CNTNAP2: variants seen among roughly 807,000 people sequenced by gnomAD.
CNTNAP2 encodes contactin associated protein 2.
In CNTNAP2, 98 loss-of-function variants were observed where a neutral mutation model predicts 155.2. The observed-to-expected ratio is 0.63, with a 90% confidence interval of 0.54 to 0.75. The LOEUF is 0.75. Among genes scored for constraint, CNTNAP2 ranks in the 30% least tolerant of loss-of-function variants. CNTNAP2 has a pLI of 0.00. For synonymous variants in CNTNAP2, 651 were observed against 631.2 expected, an observed-to-expected ratio of 1.03 and a Z score of -0.47; for missense variants, 1,727 against 1,688.1, an observed-to-expected ratio of 1.02 and a Z score of -0.40.
chr7:146,535,103 T>G (rs13224866), intron 1 of CNTNAP2, among the ~76,000 whole-genome samples: 8 of 3,334 alleles, frequency 2.4e-3, no homozygotes, highest in African/African-American at 5.7e-3. Flanking sequence ...ATATATATAT[T>G]ATATATATAT....
chr7:147,190,627 G>A (rs1358850706), intron 8 of CNTNAP2, among the ~76,000 whole-genome samples: 1 of 152,126 alleles, frequency 6.6e-6, no homozygotes, highest in East Asian at 1.9e-4. Context: ...ATATACCGAT[G>A]TGCATTCCAG....
At chr7:147,735,935 T>G (rs1485738760) in intron 13 of CNTNAP2, among the ~76,000 whole-genome samples, 8 of 150,518 alleles carry the variant, frequency 5.3e-5, no homozygotes. Flanking sequence ...TGAGATGGGT[T>G]TCCTGAATAC....
chr7:147,086,872 T>C (rs1452435260), intron 4 of CNTNAP2, among the ~76,000 whole-genome samples: 2 of 152,200 alleles, frequency 1.3e-5, no homozygotes, highest in Non-Finnish European at 2.9e-5. Context: ...CAAAACAAGA[T>C]GAAACTTCAG....
intron 13 of CNTNAP2, among the ~76,000 whole-genome samples, chr7:147,711,532 T>C (rs577737944): frequency 1.1e-4 from 17 of 152,186 alleles, no homozygotes; most frequent in Non-Finnish European, 2.1e-4. Context: ...GATTTCCAAG[T>C]GTTCATTATT....
intron 1 of CNTNAP2, among the ~76,000 whole-genome samples, chr7:146,656,779 T>C (rs1800002242): frequency 6.6e-6 from 1 of 152,226 alleles, no homozygotes; most frequent in African/African-American, 2.4e-5. Context: ...AGGCAAATTA[T>C]AAACACCTTA....
At chr7:146,502,213 GTATATATATGAATATATATATATA>G (rs1292524533) in intron 1 of CNTNAP2, among the ~76,000 whole-genome samples, 3 of 99,408 alleles carry the variant, frequency 3.0e-5, no homozygotes, top group Admixed American at 1.2e-4. Context: ...CATTGTGTGT[GTATATATATGAATATATATATATA>G]TATATATATA....
rs1179574989 is a variant in CNTNAP2, at chr7:147,317,776, A to ATGTG, written c.1498+17506_1498+17509dup. 5.5e-3 allele frequency among the ~76,000 whole-genome samples: 742 copies of ATGTG among 134,290 alleles called. 3 individuals are homozygous for ATGTG. Among genetic ancestry groups the ATGTG allele is most frequent in the East Asian group, 0.021 (103 of 4,948 alleles). 88.1% of individuals were successfully genotyped at this position (134,290 alleles called of 152,430 possible). A position where few individuals can be genotyped will look rare whatever the true frequency, so the allele number is the denominator to read the frequency against. On this transcript the variant is annotated intron_variant, in intron 9 of 23. Coordinates refer to ENST00000361727, the MANE Select transcript of CNTNAP2 (RefSeq NM_014141.6). ...TCAAAAAAAGGATATATATATATAT[A>ATGTG]TGTGTGTGTGTGTGTGTGTGTGTAT...
intron 13 of CNTNAP2, among the ~76,000 whole-genome samples, chr7:147,773,374 C>T (rs572005144): frequency 6.6e-6 from 1 of 152,180 alleles, no homozygotes; most frequent in East Asian, 1.9e-4. Context: ...TGGTGACTTA[C>T]ACCTATAGCC....
At chr7:146,709,281 T>C (rs1013956500) in intron 1 of CNTNAP2, among the ~76,000 whole-genome samples, 1 of 152,178 alleles carries the variant, frequency 6.6e-6, no homozygotes, top group Non-Finnish European at 1.5e-5. Flanking sequence ...GTCGTGTTTA[T>C]GAACTTTTCT....
At chr7:147,733,578 G>A (rs928437589) in intron 13 of CNTNAP2, among the ~76,000 whole-genome samples, 2 of 152,248 alleles carry the variant, frequency 1.3e-5, no homozygotes, top group African/African-American at 4.8e-5. Flanking sequence ...TGCTTGATGG[G>A]GATGGCATTG....
At chr7:146,646,994 C>T (rs892341189) in intron 1 of CNTNAP2, among the ~76,000 whole-genome samples, 11 of 152,172 alleles carry the variant, frequency 7.2e-5, no homozygotes, top group African/African-American at 2.4e-4. Context: ...ACCAAAAAGG[C>T]TCTGAGGCAG....
chr7:146,829,130 C>G (rs1353915201), intron 2 of CNTNAP2, among the ~76,000 whole-genome samples: 2 of 151,806 alleles, frequency 1.3e-5, no homozygotes, highest in African/African-American at 4.8e-5. Flanking sequence ...GTGAAATTCC[C>G]TGAAAATAAT....
At chr7:147,872,201 G>A (rs1231437039) in intron 13 of CNTNAP2, among the ~76,000 whole-genome samples, 2 of 152,146 alleles carry the variant, frequency 1.3e-5, no homozygotes, top group Admixed American at 6.5e-5. Flanking sequence ...AATTTCTGAT[G>A]TTATCATACC....
chr7:146,670,239 T>A lies in CNTNAP2; in HGVS notation c.98-104032T>A, dbSNP rs181152260. On this transcript the variant is annotated intron_variant, in intron 1 of 23. Coordinates refer to ENST00000361727, the MANE Select transcript of CNTNAP2 (RefSeq NM_014141.6). ...ACATCTGCTAAGAACATAGCATTAG[T>A]TACATACTGCTTGGACCAACCCCAT... Among the ~76,000 whole-genome samples, 328 of 152,274 alleles carry A rather than the reference T, an allele frequency of 2.2e-3. 3 individuals carry two copies. Among genetic ancestry groups the A allele is most frequent in the African/African-American group, 7.8e-3 (323 of 41,578 alleles).
chr7:146,596,438 G>C (rs914945580), intron 1 of CNTNAP2, among the ~76,000 whole-genome samples: 3 of 151,924 alleles, frequency 2.0e-5, no homozygotes, highest in Admixed American at 6.6e-5. Context: ...ATCGTGATTA[G>C]AAGAGTGCAT....
At chr7:147,317,812 A>G (rs111608370) in intron 9 of CNTNAP2, among the ~76,000 whole-genome samples, 1 of 147,848 alleles carries the variant, frequency 6.8e-6, no homozygotes, top group Non-Finnish European at 1.5e-5. Context: ...ATGTATATAT[A>G]TGTGTGTGTG....
At chr7:147,380,269 A>C (rs534649218) in intron 9 of CNTNAP2, among the ~76,000 whole-genome samples, 9 of 152,068 alleles carry the variant, frequency 5.9e-5, no homozygotes, top group East Asian at 1.9e-4. Context: ...TGAAAAAAAA[A>C]CCCTGATTTT....
At chr7:147,070,968 T>G (rs740811) in intron 4 of CNTNAP2, among the ~76,000 whole-genome samples, 1 of 151,876 alleles carries the variant, frequency 6.6e-6, no homozygotes. Flanking sequence ...TTTGCTTCAC[T>G]CCAGGCCCAG....
At chr7:147,853,286 T>C (rs1798981917) in intron 13 of CNTNAP2, among the ~76,000 whole-genome samples, 1 of 152,358 alleles carries the variant, frequency 6.6e-6, no homozygotes, top group African/African-American at 2.4e-5. Flanking sequence ...GCAGATTTAT[T>C]GCATTCAATT....
Sources: gnomAD v4.1 joint callset for allele counts (sites outside exome capture counted in the v4.1 genomes callset) on GRCh38, gnomAD v4.1.1 for gene constraint, MANE v1.5 for transcripts, NCBI Gene and HGNC (gene_info 2026-07-23, HGNC 2026-07-21) for gene names.